ASTN2: variants seen among roughly 807,000 people sequenced by gnomAD.
The protein encoded by ASTN2 is astrotactin-2.
ASTN2 carries 54 observed loss-of-function variants against 139.8 expected under a neutral mutation model. That is an observed-to-expected ratio of 0.39 (90% CI 0.31 to 0.48). The LOEUF (loss-of-function observed/expected upper bound fraction) is 0.48. Ranked by LOEUF, ASTN2 falls within the 20% of genes least tolerant of loss-of-function variation. ASTN2 has a pLI of 0.95. For synonymous variants in ASTN2, 756 were observed against 719.5 expected (o/e 1.05, Z -0.81); for missense variants, 1,565 against 1,725.1 (o/e 0.91, Z 1.64).
At chr9:117,272,259 T>C (rs757644420) in intron 2 of ASTN2, among the ~76,000 whole-genome samples, 3 of 152,210 alleles carry the variant, frequency 2.0e-5, no homozygotes, top group Non-Finnish European at 4.4e-5. Flanking sequence ...AGCTGTACAT[T>C]GGCCCCTTTC....
intron 19 of ASTN2, among the ~76,000 whole-genome samples, chr9:116,536,701 G>A (rs1256654279): frequency 6.6e-6 from 1 of 152,234 alleles, no homozygotes; most frequent in African/African-American, 2.4e-5. Context: ...GTTGCGGCCT[G>A]ATCGTTCCTC....
intron 13 of ASTN2, among the ~76,000 whole-genome samples, chr9:116,762,410 G>A (rs1414889850): frequency 6.6e-6 from 1 of 152,252 alleles, no homozygotes; most frequent in South Asian, 2.1e-4. Flanking sequence ...TGACACTGAA[G>A]TGCTTTGAAA....
At chr9:117,319,930 G>T (rs1225025848) in intron 1 of ASTN2, among the ~76,000 whole-genome samples, 1 of 152,110 alleles carries the variant, frequency 6.6e-6, no homozygotes, top group Non-Finnish European at 1.5e-5. Flanking sequence ...TGCACCACAG[G>T]TTTAAGTCAA....
intron 10 of ASTN2, among the ~76,000 whole-genome samples, chr9:116,908,724 T>G (rs897379345): frequency 1.3e-5 from 2 of 152,234 alleles, no homozygotes; most frequent in Non-Finnish European, 2.9e-5. Context: ...GCAGCCACTA[T>G]TTTCTGTTTG....
At chr9:117,015,068 C>A (rs1456771197) in intron 6 of ASTN2, among the ~76,000 whole-genome samples, 1 of 152,118 alleles carries the variant, frequency 6.6e-6, no homozygotes, top group African/African-American at 2.4e-5. Context: ...GGCTAGAGTG[C>A]AGTGGTGCGA....
chr9:116,976,909 G>A, intron 7 of ASTN2, 124 bp from the exon 8 acceptor site: 1 of 757,464 alleles, frequency 1.3e-6, no homozygotes, highest in Non-Finnish European at 2.2e-6. Flanking sequence ...CACATGGAAA[G>A]AGGGTAATCT....
intron 4 of ASTN2, among the ~76,000 whole-genome samples, chr9:117,135,881 G>A (rs1829939461): frequency 6.6e-6 from 1 of 152,146 alleles, no homozygotes; most frequent in Non-Finnish European, 1.5e-5. Context: ...GCATACTGGG[G>A]GAAGGGAGAA....
intron 13 of ASTN2, among the ~76,000 whole-genome samples, chr9:116,766,958 C>A (rs1829827818): frequency 6.6e-6 from 1 of 151,774 alleles, no homozygotes; most frequent in East Asian, 1.9e-4. Flanking sequence ...CACCTAAACA[C>A]AGTAACATCA....
chr9:117,399,778 C>A (rs768209257), intron 1 of ASTN2, among the ~76,000 whole-genome samples: 1 of 152,110 alleles, frequency 6.6e-6, no homozygotes, highest in Admixed American at 6.5e-5. Context: ...CCAAGGTTTT[C>A]GGGTTGAATT....
intron 11 of ASTN2, among the ~76,000 whole-genome samples, chr9:116,824,425 C>T (rs1285672689): frequency 1.3e-5 from 2 of 152,058 alleles, no homozygotes; most frequent in Admixed American, 1.3e-4. Context: ...AAGCAAGCTG[C>T]CATGTTTTCA....
chr9:117,176,093 T>G (rs1830909695), intron 3 of ASTN2, among the ~76,000 whole-genome samples: 1 of 151,720 alleles, frequency 6.6e-6, no homozygotes, highest in Non-Finnish European at 1.5e-5. Flanking sequence ...GAAAGAAAAT[T>G]TAATATAAGG....
intron 2 of ASTN2, among the ~76,000 whole-genome samples, chr9:117,261,886 G>C (rs950085561): frequency 1.3e-5 from 2 of 152,180 alleles, no homozygotes; most frequent in Admixed American, 1.3e-4. Flanking sequence ...GTTTCCACTA[G>C]AGAACTTTGT....
chr9:116,918,714 T>A lies in ASTN2; in HGVS notation c.1890-54981A>T, dbSNP rs1401651571. ...ACTATTATGCAGCTATCAGAAATGATGTTTACAAAGACTGTGTAATAAACA... is the reference window on the plus strand; with the variant it reads ...ACTATTATGCAGCTATCAGAAATGAAGTTTACAAAGACTGTGTAATAAACA... On this transcript the variant is annotated intron_variant, in intron 10 of 22. Transcript: ENST00000313400. 2.0e-5 allele frequency among the ~76,000 whole-genome samples: 3 copies of A among 152,230 alleles called. No homozygotes were observed. In the East Asian group the frequency reaches 5.8e-4, roughly 29 times the overall value.
chr9:117,305,983 T>C (rs372253711), intron 1 of ASTN2, among the ~76,000 whole-genome samples: 3 of 152,216 alleles, frequency 2.0e-5, no homozygotes, highest in East Asian at 3.9e-4. Flanking sequence ...AGACATCATT[T>C]GAGATCACTT....
chr9:117,303,662 ACT>A (rs1834930551), intron 1 of ASTN2, among the ~76,000 whole-genome samples: 1 of 152,204 alleles, frequency 6.6e-6, no homozygotes, highest in East Asian at 1.9e-4. Context: ...TCTCTGTTTC[ACT>A]GTTTTTTACC....
intron 4 of ASTN2, among the ~76,000 whole-genome samples, chr9:117,140,589 G>T (rs1429751456): frequency 6.6e-6 from 1 of 151,428 alleles, no homozygotes; most frequent in Non-Finnish European, 1.5e-5. Context: ...AGATGAAGAT[G>T]AAGGAGGAAG....
chr9:117,388,874 G>A (rs1242813065), intron 1 of ASTN2, among the ~76,000 whole-genome samples: 2 of 152,076 alleles, frequency 1.3e-5, no homozygotes, highest in Non-Finnish European at 2.9e-5. Context: ...TGCCCTTGGG[G>A]TCCTTCTTTA....
intron 17 of ASTN2, among the ~76,000 whole-genome samples, chr9:116,636,090 C>T (rs1857060500): frequency 6.6e-6 from 1 of 152,146 alleles, no homozygotes; most frequent in Admixed American, 6.5e-5. Context: ...ATGCTGAGAC[C>T]ACAAGCTATG....
chr9:117,326,688 G>C (rs899367326), intron 1 of ASTN2, among the ~76,000 whole-genome samples: 1 of 152,170 alleles, frequency 6.6e-6, no homozygotes, highest in Non-Finnish European at 1.5e-5. Context: ...GACCCACTAA[G>C]CAGCTAGGAA....
Sources: allele counts gnomAD v4.1 joint callset (sites outside exome capture counted in the v4.1 genomes callset), GRCh38; gene constraint gnomAD v4.1.1; transcripts MANE v1.5; gene names NCBI Gene and HGNC (gene_info 2026-07-23, HGNC 2026-07-21).